The following TAF4 variants were observed in gnomAD, a reference collection of about 807,000 sequenced individuals.
TAF4 encodes TATA-box binding protein associated factor 4, also known as transcription initiation factor TFIID subunit 4.
TAF4 carries 9 observed loss-of-function variants against 90.3 expected under a neutral mutation model. That is an observed-to-expected ratio of 0.10 (90% CI 0.06 to 0.17). TAF4 has a LOEUF of 0.17. Among genes scored for constraint, TAF4 ranks in the 10% least tolerant of loss-of-function variants. TAF4 has a pLI of 1.00. For missense variants in TAF4, 1,351 were observed against 1,370.7 expected, an observed-to-expected ratio of 0.99 and a Z score of 0.23; for synonymous variants, 818 against 638.9, an observed-to-expected ratio of 1.28 and a Z score of -4.23.
chr20:62,030,029 G>T (rs537667920), intron 1 of TAF4, among the ~76,000 whole-genome samples: 1 of 152,344 alleles, frequency 6.6e-6, no homozygotes, highest in South Asian at 2.1e-4. Flanking sequence ...CTGCCCATGT[G>T]GGTGTCAGGA....
At chr20:62,060,521 G>A (rs1297127940) in intron 1 of TAF4, among the ~76,000 whole-genome samples, 6 of 152,242 alleles carry the variant, frequency 3.9e-5, no homozygotes, top group African/African-American at 7.2e-5. Context: ...TCCCGAAGGC[G>A]ATGGTGACGA....
Position 62,064,876 on chromosome 20 carries a change from G to C in TAF4, c.935C>G (p.Ala312Gly), listed in dbSNP as rs1040302445. 3.3e-6 allele frequency: 3 copies of C among 915,934 alleles called. No individual in the cohort carries two copies. The highest frequency in any genetic ancestry group is 4.9e-5 in the South Asian group (1 of 20,242). 56.7% of individuals were successfully genotyped at this position (915,934 alleles called of 1,614,324 possible). The change falls in exon 1 of 15, where the codon GCC becomes GGC. Residue 312 changes from alanine (A) to glycine (G), a missense_variant. By Grantham distance (60) the Ala-to-Gly change is moderately conservative (BLOSUM62 0). This residue lies in a region of TAF4 where 782 missense variants were observed against 536.6 expected (regional missense o/e 1.46). Coordinates refer to ENST00000252996, the MANE Select transcript of TAF4 (RefSeq NM_003185.4). ...CCCGGCGGCCGGGGCGGGGGCGGGG[G>C]CTGCCCCGGCGCTGCCCCCGTTCTG... ...AAQNGGSAGA[A>G]PAPAPAAGGP...
intron 1 of TAF4, among the ~76,000 whole-genome samples, chr20:62,060,401 G>A (rs951865059): frequency 6.6e-6 from 1 of 152,226 alleles, no homozygotes; most frequent in African/African-American, 2.4e-5. Flanking sequence ...TCCTAAGAGC[G>A]TCACAGGACC....
chr20:62,002,026 A>AG (rs1343582605), intron 9 of TAF4, among the ~76,000 whole-genome samples: 9 of 152,184 alleles, frequency 5.9e-5, no homozygotes, highest in Admixed American at 5.2e-4. Context: ...ACTGAAACCC[A>AG]GGGGTTTGCG....
intron 11 of TAF4, 143 bp downstream of exon 11, chr20:61,999,981 A>G (rs2055688668): frequency 9.9e-7 from 1 of 1,010,940 alleles, no homozygotes; most frequent in Non-Finnish European, 1.5e-6. Context: ...TAGTCCTATA[A>G]GAAATCCAAA....
At chr20:62,020,367 C>T (rs910082366) in intron 1 of TAF4, among the ~76,000 whole-genome samples, 5 of 152,238 alleles carry the variant, frequency 3.3e-5, no homozygotes, top group East Asian at 1.9e-4. Flanking sequence ...ATCAGGGGCA[C>T]GGAGCCAGGC....
In TAF4 at chr20:62,006,486, A is replaced by T. The variant is rs1428682084; in HGVS notation, c.2223+24T>A. On this transcript the variant is annotated intron_variant, in intron 7 of 14. Coordinates refer to ENST00000252996, the MANE Select transcript of TAF4 (RefSeq NM_003185.4). The surrounding 1 kb of genome is among the most constrained non-coding windows in gnomAD (Gnocchi z 7.0). ...AGCAGAGGCACGGTGGGCTGTGCAGACCAGTCAGGCGCCCCTTCCATACCA... is the reference window on the plus strand; with the variant it reads ...AGCAGAGGCACGGTGGGCTGTGCAGTCCAGTCAGGCGCCCCTTCCATACCA... The T allele has an allele frequency of 1.4e-6, 2 of 1,474,056 alleles. No individual in the cohort carries two copies. Among genetic ancestry groups the T allele is most frequent in the Non-Finnish European group, 9.0e-7 (1 of 1,111,582 alleles). The allele number at this position is 1,474,056 out of a possible 1,614,324, so 91.3% of individuals were successfully genotyped here. A position where few individuals can be genotyped will look rare whatever the true frequency, so the allele number is the denominator to read the frequency against.
chr20:62,064,208 G>A (rs2056107199), intron 1 of TAF4: 2 of 408,746 alleles, frequency 4.9e-6, no homozygotes, highest in Non-Finnish European at 8.4e-6. Context: ...CCCAGGCACA[G>A]GCAGCCAGCG....
Position 62,014,700 on chromosome 20 carries a change from G to T in TAF4, c.1368C>A (p.Val456=). ...IQNFQLPPGM[V]LVRSENGQLL... ...ACTGCCCATTCTCACTTCGGACGAG[G>T]ACCATTCCTGCAGACAAAGGAGACC... is the stretch of plus-strand genomic sequence containing the variant. The change falls in exon 2 of 15, where the codon GTC becomes GTA. Residue 456 remains valine, a synonymous_variant. Coordinates refer to ENST00000252996, the MANE Select transcript of TAF4 (RefSeq NM_003185.4). The T allele has an allele frequency of 6.2e-7, 1 of 1,613,350 alleles. No homozygotes were observed. Among genetic ancestry groups the T allele is most frequent in the South Asian group, 1.1e-5 (1 of 90,938 alleles).
chr20:62,011,171 ATCT>A (rs1469637914), intron 3 of TAF4, among the ~76,000 whole-genome samples: 1 of 152,156 alleles, frequency 6.6e-6, no homozygotes, highest in Non-Finnish European at 1.5e-5. Context: ...AAGTCTGTGT[ATCT>A]TTTCACTTGT....
chr20:62,024,979 T>A (rs532473715), intron 1 of TAF4, among the ~76,000 whole-genome samples: 22 of 152,102 alleles, frequency 1.4e-4, no homozygotes, highest in Admixed American at 3.3e-4. Context: ...TAGGGAGACA[T>A]AAATTAAATC....
In TAF4 at chr20:62,065,163, G is replaced by A. The variant is rs763179243; in HGVS notation, c.648C>T (p.Ser216=). The A allele has an allele frequency of 4.2e-5, 51 of 1,215,914 alleles. No homozygotes were observed. Among genetic ancestry groups the A allele is most frequent in the African/African-American group, 5.0e-5 (3 of 60,590 alleles). The allele number at this position is 1,215,914 out of a possible 1,614,324, so 75.3% of individuals were successfully genotyped here. Residue 216 remains serine (S), a synonymous_variant, in exon 1 of 15, where the codon AGC becomes AGT. Transcript: ENST00000252996. The stretch of plus-strand genomic sequence containing the variant: ...GCGCGGCGGGCCCGTTGTTGACCAG[G>A]CTGACAGCAGGTGCGGCGGCGTGGT... ...NSHHAAAPAV[S]LVNNGPAALL...
chr20:61,986,223 T>C (rs1309091542), intron 14 of TAF4, among the ~76,000 whole-genome samples: 103 of 47,524 alleles, frequency 2.2e-3, no homozygotes, highest in Middle Eastern at 0.023. Context: ...CCATCCCCAA[T>C]CAAAGGAAAC....
chr20:62,003,041 G>A (rs751272637), intron 9 of TAF4, 119 bp downstream of exon 9: 49 of 716,592 alleles, frequency 6.8e-5, no homozygotes, highest in Admixed American at 3.9e-4. Context: ...AGGAGCCTTG[G>A]AGCCCCGGCC....
At position 61,982,759 on chromosome 20, in the gene TAF4, G is replaced by A. The variant is rs534532176; in HGVS notation, c.3091-6424C>T. Among the ~76,000 whole-genome samples the A allele has an allele frequency of 4.4e-3, 672 of 151,254 alleles. 2 individuals are homozygous for A. Among genetic ancestry groups the A allele is most frequent in the Non-Finnish European group, 7.5e-3 (510 of 67,794 alleles). ...GCACTGCGAGGGCCCAGTGGGCGGC[G>A]GGACTCTGAGATGCAACCTCATACA... On this transcript the variant is annotated intron_variant, in intron 14 of 14. Coordinates refer to ENST00000252996, the MANE Select transcript of TAF4 (RefSeq NM_003185.4).
intron 9 of TAF4, among the ~76,000 whole-genome samples, chr20:62,001,229 C>T (rs1330654812): frequency 6.6e-6 from 1 of 152,198 alleles, no homozygotes; most frequent in Non-Finnish European, 1.5e-5. Context: ...GCCATTGAGA[C>T]CGGGCCATGA....
intron 1 of TAF4, among the ~76,000 whole-genome samples, chr20:62,020,441 C>G (rs541948228): frequency 6.6e-6 from 1 of 152,394 alleles, no homozygotes; most frequent in Non-Finnish European, 1.5e-5. Context: ...TGCTGTCCAG[C>G]TCCACGTCTG....
intron 1 of TAF4, among the ~76,000 whole-genome samples, chr20:62,022,003 A>G (rs6121870): frequency 0.93 from 141,517 of 152,122 alleles, 66,639 homozygotes; most frequent in East Asian, 1. Context: ...GGCGGACAGC[A>G]TCAGAGGCGG....
At chr20:61,980,825 C>G (rs866341955) in intron 14 of TAF4, 8 of 152,422 alleles carry the variant, frequency 5.2e-5, no homozygotes, top group African/African-American at 1.7e-4. Flanking sequence ...CCTGACCCCC[C>G]AGTCTCTCCC....
Sources: allele counts gnomAD v4.1 joint callset (sites outside exome capture counted in the v4.1 genomes callset), GRCh38; gene constraint gnomAD v4.1.1; regional missense constraint gnomAD v4.1.1; non-coding constraint Gnocchi (gnomAD v3.1); transcripts MANE v1.5; gene names NCBI Gene and HGNC (gene_info 2026-07-23, HGNC 2026-07-21).